STARD13: variants seen among roughly 807,000 people sequenced by gnomAD.
STARD13 encodes stAR-related lipid transfer protein 13.
Under a neutral mutation model 106.4 loss-of-function variants are expected in STARD13, and 62 were observed. The ratio of observed to expected loss-of-function variants is 0.58; its 90% CI spans 0.48 to 0.72. STARD13 has a LOEUF of 0.72. STARD13 is among the 30% of genes least tolerant of loss of function. The pLI, the probability that STARD13 is intolerant of heterozygous loss-of-function variation, is 0.00. For synonymous variants in STARD13, 565 were observed against 553.0 expected, an observed-to-expected ratio of 1.02 and a Z score of -0.31; for missense variants, 1,387 against 1,424.0, an observed-to-expected ratio of 0.97 and a Z score of 0.42.
chr13:33,541,500 G>GT, the STARD13 span, among the ~76,000 whole-genome samples: 1 of 152,128 alleles, frequency 6.6e-6, no homozygotes, highest in Non-Finnish European at 1.5e-5. Flanking sequence ...TCACAGCAGC[G>GT]TTTTTTCCAG....
chr13:33,511,516 G>A, the STARD13 span: 2 of 152,078 alleles, frequency 1.3e-5, no homozygotes, highest in Non-Finnish European at 2.9e-5. Context: ...GTGATGATGA[G>A]AGCCAACCAT....
At chr13:33,361,096 C>T in the STARD13 span, among the ~76,000 whole-genome samples, 12 of 151,340 alleles carry the variant, frequency 7.9e-5, no homozygotes, top group South Asian at 6.3e-4. Context: ...TGAACCACCG[C>T]GCCTGGCCTG....
the STARD13 span, among the ~76,000 whole-genome samples, chr13:33,592,861 A>G: frequency 6.6e-6 from 1 of 152,236 alleles, no homozygotes; most frequent in African/African-American, 2.4e-5. Flanking sequence ...ATGTAGGCCT[A>G]AAGCCCAAGC....
the STARD13 span, among the ~76,000 whole-genome samples, chr13:33,376,196 A>G: frequency 6.6e-6 from 1 of 152,180 alleles, no homozygotes; most frequent in Admixed American, 6.5e-5. Context: ...AAGATGAGTT[A>G]GGCTGGTTTG....
At chr13:33,253,842 A>T (rs527994360) in intron 1 of STARD13, among the ~76,000 whole-genome samples, 1 of 152,392 alleles carries the variant, frequency 6.6e-6, no homozygotes, top group South Asian at 2.1e-4. Flanking sequence ...GGATAAAAAT[A>T]AAGGCCTCTC....
chr13:33,618,664 G>A, the STARD13 span, among the ~76,000 whole-genome samples: 1 of 152,020 alleles, frequency 6.6e-6, no homozygotes. Context: ...CATAAAACTG[G>A]AGAGAAAAAA....
chr13:33,144,593 G>A (rs986435992), intron 3 of STARD13, among the ~76,000 whole-genome samples: 1 of 152,192 alleles, frequency 6.6e-6, no homozygotes, highest in Non-Finnish European at 1.5e-5. Flanking sequence ...GCATTCATTA[G>A]TGTCAGATAT....
chr13:33,519,293 T>TTCTC, the STARD13 span, among the ~76,000 whole-genome samples: 5 of 119,560 alleles, frequency 4.2e-5, no homozygotes, highest in South Asian at 2.6e-4. Flanking sequence ...CTTTCTTTCT[T>TTCTC]TCTCTCTCTC....
chr13:33,490,830 C>T, the STARD13 span, among the ~76,000 whole-genome samples: 7 of 152,230 alleles, frequency 4.6e-5, no homozygotes, highest in Non-Finnish European at 7.3e-5. Context: ...AAGCCGTCTG[C>T]GGGTGGCCAA....
At chr13:33,481,899 C>T in the STARD13 span, among the ~76,000 whole-genome samples, 11 of 150,864 alleles carry the variant, frequency 7.3e-5, no homozygotes, top group South Asian at 1.5e-3. Context: ...AGGAGAACAG[C>T]GTGAACCCAA....
the STARD13 span, among the ~76,000 whole-genome samples, chr13:33,493,462 T>C: frequency 6.6e-6 from 1 of 152,198 alleles, no homozygotes; most frequent in Non-Finnish European, 1.5e-5. Context: ...TAATGTATCA[T>C]ACTGATTCGT....
At chr13:33,151,169 T>A (rs1020636081) in intron 3 of STARD13, among the ~76,000 whole-genome samples, 4 of 152,042 alleles carry the variant, frequency 2.6e-5, no homozygotes, top group African/African-American at 9.7e-5. Context: ...CAGGGTATAA[T>A]CCAGGAATTG....
chr13:33,467,485 T>A, the STARD13 span, among the ~76,000 whole-genome samples: 1 of 152,150 alleles, frequency 6.6e-6, no homozygotes, highest in Non-Finnish European at 1.5e-5. Context: ...GTGATGCAGT[T>A]CCTAACAGGC....
chr13:33,498,975 T>TA, the STARD13 span, among the ~76,000 whole-genome samples: 2 of 152,150 alleles, frequency 1.3e-5, no homozygotes, highest in African/African-American at 4.8e-5. Context: ...CCGTCTCTAC[T>TA]AAAAATACAA....
At chr13:33,121,442 C>A (rs1009027314) in intron 7 of STARD13, among the ~76,000 whole-genome samples, 2 of 151,680 alleles carry the variant, frequency 1.3e-5, no homozygotes, top group Non-Finnish European at 2.9e-5. Flanking sequence ...GTGGTGGGTG[C>A]CTGGAATCCC....
chr13:33,281,874 A>G (rs1055101145), intron 1 of STARD13, among the ~76,000 whole-genome samples: 1 of 152,170 alleles, frequency 6.6e-6, no homozygotes, highest in African/African-American at 2.4e-5. Flanking sequence ...CAGTTTTGCA[A>G]GATGAAAAGA....
At chr13:33,409,473 C>A in the STARD13 span, among the ~76,000 whole-genome samples, 1 of 152,260 alleles carries the variant, frequency 6.6e-6, no homozygotes, top group East Asian at 1.9e-4. Context: ...ATAAAAGGGA[C>A]CTTAAGTTAC....
chr13:33,154,973 G>GCTTCTTTTCA (rs1881776015), intron 3 of STARD13, among the ~76,000 whole-genome samples: 1 of 151,848 alleles, frequency 6.6e-6, no homozygotes. Context: ...TTCACTTGGG[G>GCTTCTTTTCA]CTTCTTTCCT....
the STARD13 span, among the ~76,000 whole-genome samples, chr13:33,450,855 G>A: frequency 6.6e-6 from 1 of 152,084 alleles, no homozygotes; most frequent in South Asian, 2.1e-4. Flanking sequence ...GCCGTTTGGG[G>A]AAATGCAGGT....
Sources: gnomAD v4.1 joint callset for allele counts (sites outside exome capture counted in the v4.1 genomes callset) on GRCh38, gnomAD v4.1.1 for gene constraint, MANE v1.5 for transcripts, NCBI Gene and HGNC (gene_info 2026-07-23, HGNC 2026-07-21) for gene names.